Variants in SLC25A16 observed in about 807,000 individuals in gnomAD.
The protein encoded by SLC25A16 is mitochondrial coenzyme A transporter SLC25A16.
A neutral mutation model predicts 41.5 loss-of-function variants in SLC25A16; 39 were observed. The observed-to-expected ratio is 0.94, with a 90% CI of 0.73 to 1.23. The LOEUF (loss-of-function observed/expected upper bound fraction) is 1.23. Ranked by LOEUF, SLC25A16 falls within the 50% of genes most tolerant of loss-of-function variation. The pLI is 0.00. For missense variants in SLC25A16, 421 were observed against 426.9 expected (o/e 0.99, Z 0.12); for synonymous variants, 146 against 147.8 (o/e 0.99, Z 0.09).
At chr10:68,511,932 C>T (rs1312300318) in intron 2 of SLC25A16, among the ~76,000 whole-genome samples, 1 of 152,032 alleles carries the variant, frequency 6.6e-6, no homozygotes, top group Admixed American at 6.6e-5. Flanking sequence ...TCTTGGCTCA[C>T]TGCAACCTCT....
chr10:68,487,245 A>T (rs761790542), intron 7 of SLC25A16, 33 bp from the exon 8 acceptor site: 1 of 1,596,120 alleles, frequency 6.3e-7, no homozygotes, highest in African/African-American at 1.3e-5. Flanking sequence ...AGAATTAAAA[A>T]TTTTTGGTTT....
chr10:68,522,031 A>G (rs545729291), intron 1 of SLC25A16, among the ~76,000 whole-genome samples: 73 of 152,058 alleles, frequency 4.8e-4, no homozygotes, highest in Non-Finnish European at 8.5e-4. Flanking sequence ...GTGATGGCGC[A>G]CACCACCTGT....
rs773742119 is a variant in SLC25A16 at position 68,516,858 on chromosome 10, A to G, written c.131-15T>C. 1.3e-6 allele frequency: 2 copies of G among 1,582,980 alleles called. No homozygotes were observed. The highest frequency in any genetic ancestry group is 2.2e-5 in the South Asian group (2 of 89,100). On this transcript the variant is annotated splice_polypyrimidine_tract_variant and intron_variant, in intron 1 of 8. Coordinates refer to ENST00000609923, the MANE Select transcript of SLC25A16 (RefSeq NM_152707.4). ...TCCAGCAATACCTAAAAATTTTTCAAAAGGTCAGGAAGAAATTGCGTACCA... is the reference window on the plus strand; with the variant it reads ...TCCAGCAATACCTAAAAATTTTTCAGAAGGTCAGGAAGAAATTGCGTACCA...
intron 1 of SLC25A16, among the ~76,000 whole-genome samples, chr10:68,526,549 T>A (rs894267048): frequency 2.6e-5 from 4 of 152,110 alleles, no homozygotes; most frequent in African/African-American, 4.8e-5. Context: ...GTCTCTATAC[T>A]TTGTCTCTGT....
intron 1 of SLC25A16, among the ~76,000 whole-genome samples, chr10:68,521,054 A>C (rs558664480): frequency 6.6e-6 from 1 of 151,970 alleles, no homozygotes; most frequent in Admixed American, 6.6e-5. Context: ...GAATCACTTG[A>C]ACTTGGGAGG....
chr10:68,487,420 C>G (rs1216672429), intron 7 of SLC25A16, among the ~76,000 whole-genome samples: 1 of 152,192 alleles, frequency 6.6e-6, no homozygotes, highest in Non-Finnish European at 1.5e-5. Flanking sequence ...TTAGAGGATT[C>G]TTCTCTCCCA....
intron 1 of SLC25A16, among the ~76,000 whole-genome samples, chr10:68,525,617 C>T (rs1388805957): frequency 1.3e-5 from 2 of 152,220 alleles, no homozygotes; most frequent in East Asian, 3.9e-4. Context: ...CTGCACACAA[C>T]TTCAATGTGG....
intron 6 of SLC25A16, among the ~76,000 whole-genome samples, chr10:68,491,280 G>A (rs1482318914): frequency 6.6e-6 from 1 of 151,558 alleles, no homozygotes; most frequent in African/African-American, 2.4e-5. Flanking sequence ...AGACTGGAGT[G>A]CGATGGTGCA....
In SLC25A16 at chr10:68,483,354, A is replaced by G; in HGVS notation, c.*78T>C. 2.1e-6 allele frequency: 2 copies of G among 930,484 alleles called. No individual in the cohort carries two copies. The highest frequency in any genetic ancestry group is 1.7e-5 in the African/African-American group (1 of 60,596). The allele number at this position is 930,484 out of a possible 1,614,324, so 57.6% of individuals were successfully genotyped here. A position where few individuals can be genotyped will look rare whatever the true frequency, so the allele number is the denominator to read the frequency against. On this transcript the variant is annotated 3_prime_UTR_variant, in exon 9 of 9. Coordinates refer to ENST00000609923, the MANE Select transcript of SLC25A16 (RefSeq NM_152707.4). Reference sequence around the variant, plus strand: ...CAGGGTAAATATCCCCATTCAAGTAATGTTCCCCCCACAATTATAGTAATG... The same window carrying G: ...CAGGGTAAATATCCCCATTCAAGTAGTGTTCCCCCCACAATTATAGTAATG...
rs371505828 is a variant in SLC25A16, at chr10:68,500,525, C to G, written c.421+3107G>C. 6.0e-5 allele frequency among the ~76,000 whole-genome samples: 9 copies of G among 150,518 alleles called. No individual in the cohort carries two copies. In the East Asian group the frequency reaches 1.9e-3, roughly 31 times the overall value. On this transcript the variant is annotated intron_variant, in intron 4 of 8. Coordinates refer to ENST00000609923, the MANE Select transcript of SLC25A16 (RefSeq NM_152707.4). Reference sequence around the variant, plus strand: ...GTTTCACCATGTTGGCTAGGCTGGTCTCAAACTCCTGATCTCAGGTGATCC... The same window carrying G: ...GTTTCACCATGTTGGCTAGGCTGGTGTCAAACTCCTGATCTCAGGTGATCC...
At chr10:68,491,958 A>G (rs1342213851) in intron 6 of SLC25A16, among the ~76,000 whole-genome samples, 2 of 151,940 alleles carry the variant, frequency 1.3e-5, no homozygotes, top group African/African-American at 4.8e-5. Flanking sequence ...CCTCCTGAGT[A>G]GCTGGGATTA....
intron 2 of SLC25A16, among the ~76,000 whole-genome samples, chr10:68,509,985 G>A (rs1225918674): frequency 6.6e-6 from 1 of 151,670 alleles, no homozygotes. Flanking sequence ...GCTAAGGCGG[G>A]AGAATCGCTT....
rs965170878 is a variant in SLC25A16, at chr10:68,480,602, T to C, written c.*2830A>G. On this transcript the variant is annotated 3_prime_UTR_variant, in exon 9 of 9. Coordinates refer to ENST00000609923, the MANE Select transcript of SLC25A16 (RefSeq NM_152707.4). Reference sequence around the variant, plus strand: ...AGCTCCGCCTCCCAGGTTCAAGTGATTCTCCTGTCTCAGCCTCCTGAGTAA... The same window carrying C: ...AGCTCCGCCTCCCAGGTTCAAGTGACTCTCCTGTCTCAGCCTCCTGAGTAA... 6.6e-6 allele frequency: 1 copy of C among 150,502 alleles called. No homozygotes were observed. The highest frequency in any genetic ancestry group is 2.4e-5 in the African/African-American group (1 of 40,854). 9.3% of individuals were successfully genotyped at this position (150,502 alleles called of 1,614,324 possible).
intron 1 of SLC25A16, among the ~76,000 whole-genome samples, chr10:68,526,098 T>C (rs1218737784): frequency 6.6e-6 from 1 of 151,786 alleles, no homozygotes; most frequent in South Asian, 2.1e-4. Flanking sequence ...AAAGGGTCTG[T>C]GCTGAGGAGG....
chr10:68,506,331 G>C (rs1045967952), intron 3 of SLC25A16, among the ~76,000 whole-genome samples: 6 of 151,974 alleles, frequency 3.9e-5, no homozygotes, highest in African/African-American at 1.5e-4. Context: ...TGTAATCCCA[G>C]CTACTCAGGA....
intron 2 of SLC25A16, among the ~76,000 whole-genome samples, chr10:68,507,515 TG>T (rs566957715): frequency 5.9e-5 from 9 of 152,088 alleles, no homozygotes; most frequent in Non-Finnish European, 1.3e-4. Context: ...TCTTTAAGTG[TG>T]GGGGCAAATT....
chr10:68,515,048 ATT>A (rs539523643), intron 2 of SLC25A16, among the ~76,000 whole-genome samples: 1 of 140,888 alleles, frequency 7.1e-6, no homozygotes. Flanking sequence ...TAAAGTCTTG[ATT>A]TTTTTTTTTT....
chr10:68,493,049 T>C, intron 6 of SLC25A16, 83 bp downstream of exon 6: 1 of 785,284 alleles, frequency 1.3e-6, no homozygotes, highest in Non-Finnish European at 2.2e-6. Context: ...TAACATCTTT[T>C]TATATTACCA....
chr10:68,521,187 C>T (rs1454412245), intron 1 of SLC25A16, among the ~76,000 whole-genome samples: 1 of 151,866 alleles, frequency 6.6e-6, no homozygotes, highest in Admixed American at 6.6e-5. Flanking sequence ...TATCAAGTGC[C>T]AACAAGGCAG....
Sources: gnomAD v4.1 joint callset for allele counts (sites outside exome capture counted in the v4.1 genomes callset) on GRCh38, gnomAD v4.1.1 for gene constraint, MANE v1.5 for transcripts, NCBI Gene and HGNC (gene_info 2026-07-23, HGNC 2026-07-21) for gene names.